The following HTR7 variants were observed in gnomAD, a reference collection of about 807,000 sequenced individuals.
The protein encoded by HTR7 is 5-HT-7.
HTR7 carries 16 observed loss-of-function variants against 34.0 expected under a neutral mutation model. The ratio of observed to expected loss-of-function variants is 0.47; its 90% CI spans 0.32 to 0.71. The LOEUF is 0.71. Ranked by LOEUF, HTR7 falls within the 30% of genes least tolerant of loss-of-function variation. The probability of loss-of-function intolerance (pLI) is 0.04; values close to 1 mark genes in which losing one functional copy is unlikely to be tolerated. For synonymous variants in HTR7, 265 were observed against 260.2 expected (o/e 1.02, Z -0.18); for missense variants, 504 against 625.5 (o/e 0.81, Z 2.07).
chr10:90,855,360 C>G (rs547884633), intron 1 of HTR7, among the ~76,000 whole-genome samples: 17 of 152,304 alleles, frequency 1.1e-4, no homozygotes, highest in Admixed American at 1.1e-3. Context: ...GTGATCTCAG[C>G]CAAACCTCAA....
intron 1 of HTR7, among the ~76,000 whole-genome samples, chr10:90,783,156 T>C (rs74687831): frequency 0.017 from 2,599 of 152,280 alleles, 86 homozygotes; most frequent in African/African-American, 0.058. Context: ...AATTCCAGTT[T>C]GAAGTGTTTT....
intron 1 of HTR7, among the ~76,000 whole-genome samples, chr10:90,828,502 C>G (rs1274327073): frequency 6.6e-6 from 1 of 151,912 alleles, no homozygotes; most frequent in African/African-American, 2.4e-5. Flanking sequence ...TAAATAAAAT[C>G]AGAGATGAAA....
chr10:90,799,362 AATGAATGAAT>A (rs1845590603), intron 1 of HTR7, among the ~76,000 whole-genome samples: 1 of 152,058 alleles, frequency 6.6e-6, no homozygotes, highest in African/African-American at 2.4e-5. Flanking sequence ...TGAATGAATG[AATGAATGAAT>A]GAATGAATGA....
chr10:90,804,740 T>C (rs531976276), intron 1 of HTR7, among the ~76,000 whole-genome samples: 1 of 152,378 alleles, frequency 6.6e-6, no homozygotes, highest in South Asian at 2.1e-4. Flanking sequence ...ATCTAAGCTA[T>C]AATTACAATT....
chr10:90,762,379 T>G (rs148875837), intron 1 of HTR7, among the ~76,000 whole-genome samples: 2 of 152,356 alleles, frequency 1.3e-5, no homozygotes, highest in East Asian at 3.9e-4. Context: ...GTTTCCCTGA[T>G]GATAAGTGAT....
rs541505088 is a variant in HTR7 at position 90,829,289 on chromosome 10, T to C, written c.539+27844A>G. On this transcript the variant is annotated intron_variant, in intron 1 of 3. Coordinates refer to ENST00000336152, the MANE Select transcript of HTR7 (RefSeq NM_019859.4). ...ATATATGACAGACCCACAGCTAGTATGATACTGAATGGGGAACAAGTGAAA... is the reference window on the plus strand; with the variant it reads ...ATATATGACAGACCCACAGCTAGTACGATACTGAATGGGGAACAAGTGAAA... 2.1e-4 allele frequency among the ~76,000 whole-genome samples: 32 copies of C among 152,318 alleles called. 1 individual carries two copies. In the South Asian group the frequency reaches 6.6e-3, roughly 32 times the overall value.
At position 90,749,835 on chromosome 10, in the gene HTR7, G is replaced by A. The variant is rs1467344778; in HGVS notation, c.540-241C>T. Among the ~76,000 whole-genome samples the A allele has an allele frequency of 2.0e-5, 3 of 152,174 alleles. No homozygotes were observed. The highest frequency in any genetic ancestry group is 2.0e-4 in the Admixed American group (3 of 15,282). On this transcript the variant is annotated intron_variant, in intron 1 of 3. Transcript: ENST00000336152. This position sits in a 1 kb window ranked among gnomAD's most constrained non-coding sequence, Gnocchi z 4.2. ...CCCTCTGACTCTAAAGTCAGTCCAT[G>A]CTTTGTGCATGCCTTATAGTTTTTC...
rs769828944 is a variant in HTR7, at chr10:90,743,689, T to G, written c.1297A>C (p.Arg433=). 5.6e-6 allele frequency: 9 copies of G among 1,609,236 alleles called. No individual in the cohort carries two copies. The highest frequency in any genetic ancestry group is 7.7e-6 in the Non-Finnish European group (9 of 1,175,648). ...AACAGCACCCTCCTTGTGCAGGCCCTCCTGCAATTTATGGCAATTCAAAGC... is the reference window on the plus strand; with the variant it reads ...AACAGCACCCTCCTTGTGCAGGCCCGCCTGCAATTTATGGCAATTCAAAGC... ...ERPERPEFVL[R]ACTRRVLLRP... The change falls in exon 3 of 4, where the codon AGG becomes CGG. Residue 433 remains arginine (R), a splice_region_variant and synonymous_variant. Coordinates refer to ENST00000336152, the MANE Select transcript of HTR7 (RefSeq NM_019859.4).
chr10:90,834,681 G>A (rs1846227950), intron 1 of HTR7, among the ~76,000 whole-genome samples: 1 of 152,152 alleles, frequency 6.6e-6, no homozygotes, highest in Admixed American at 6.5e-5. Context: ...GTCTCTCATT[G>A]TCCAATGAGG....
chr10:90,799,415 G>A lies in HTR7; in HGVS notation c.540-49821C>T, dbSNP rs543112997. 1.6e-4 allele frequency among the ~76,000 whole-genome samples: 25 copies of A among 152,262 alleles called. 1 individual carries two copies. The highest frequency in any genetic ancestry group is 4.3e-4 in the African/African-American group (18 of 41,554). ...CCCAGGTGATTCTCATAAAAGCCTG[G>A]GGTGAGAGCCAATGCTCCTGAGAAA... On this transcript the variant is annotated intron_variant, in intron 1 of 3. Coordinates refer to ENST00000336152, the MANE Select transcript of HTR7 (RefSeq NM_019859.4).
At chr10:90,850,802 T>C (rs1467544473) in intron 1 of HTR7, among the ~76,000 whole-genome samples, 1 of 152,056 alleles carries the variant, frequency 6.6e-6, no homozygotes, top group East Asian at 1.9e-4. Flanking sequence ...AATTAACAAA[T>C]TGGAAGGCTG....
intron 1 of HTR7, among the ~76,000 whole-genome samples, chr10:90,840,175 T>TCACA (rs1406405693): frequency 3.0e-4 from 37 of 122,602 alleles, no homozygotes; most frequent in African/African-American, 1.0e-3. Context: ...TCTCTCTCTC[T>TCACA]CTCACACACA....
chr10:90,829,804 A>G (rs1471661056), intron 1 of HTR7, among the ~76,000 whole-genome samples: 1 of 152,244 alleles, frequency 6.6e-6, no homozygotes, highest in East Asian at 1.9e-4. Context: ...ATATACAGAA[A>G]TCAGTAGCAT....
At position 90,786,560 on chromosome 10, in the gene HTR7, T is replaced by C. The variant is rs12219236; in HGVS notation, c.540-36966A>G. Among the ~76,000 whole-genome samples the C allele has an allele frequency of 1.8e-3, 277 of 152,320 alleles. 8 individuals carry two copies. The East Asian group carries it at 0.048, about 26-fold the overall frequency. On this transcript the variant is annotated intron_variant, in intron 1 of 3. Transcript: ENST00000336152. ...TAAGAAAACCTGACAGAGTTTAACT[T>C]CTCTTATTCTTGGTTATTACCTGAA...
chr10:90,797,965 A>C (rs1171602766), intron 1 of HTR7, among the ~76,000 whole-genome samples: 1 of 152,242 alleles, frequency 6.6e-6, no homozygotes, highest in Non-Finnish European at 1.5e-5. Flanking sequence ...AAAGAGGGCA[A>C]GACAGGGTGG....
intron 1 of HTR7, among the ~76,000 whole-genome samples, chr10:90,766,675 C>T (rs1845030370): frequency 6.6e-6 from 1 of 152,076 alleles, no homozygotes; most frequent in Non-Finnish European, 1.5e-5. Context: ...ACTTTCTTTT[C>T]TCTTTATCTT....
At chr10:90,808,120 C>A (rs544593396) in intron 1 of HTR7, among the ~76,000 whole-genome samples, 1 of 152,190 alleles carries the variant, frequency 6.6e-6, no homozygotes, top group Non-Finnish European at 1.5e-5. Flanking sequence ...TGATTATTCA[C>A]CCACGTTTCA....
At chr10:90,824,706 C>A (rs1019439008) in intron 1 of HTR7, among the ~76,000 whole-genome samples, 2 of 152,212 alleles carry the variant, frequency 1.3e-5, no homozygotes, top group African/African-American at 4.8e-5. Context: ...GCTCCTGGGC[C>A]TTAAGTGAAC....
chr10:90,756,192 G>A (rs762693675), intron 1 of HTR7, among the ~76,000 whole-genome samples: 2 of 152,222 alleles, frequency 1.3e-5, no homozygotes, highest in Non-Finnish European at 2.9e-5. Context: ...TACCTCCGGG[G>A]AAGAGGAAGT....
Sources: allele counts gnomAD v4.1 joint callset (sites outside exome capture counted in the v4.1 genomes callset), GRCh38; gene constraint gnomAD v4.1.1; non-coding constraint Gnocchi (gnomAD v3.1); transcripts MANE v1.5; gene names NCBI Gene and HGNC (gene_info 2026-07-23, HGNC 2026-07-21).